The following GPSM1 variants were observed in gnomAD, a reference collection of about 807,000 sequenced individuals.
GPSM1 encodes G protein-signaling modulator 1.
In GPSM1, 48 loss-of-function variants were observed where a neutral mutation model predicts 70.5. That is an observed-to-expected ratio of 0.68 (90% CI 0.54 to 0.87). GPSM1 has a LOEUF of 0.87. GPSM1 is among the 40% of genes least tolerant of loss of function. The pLI is 0.00. For synonymous variants in GPSM1, 416 were observed against 430.1 expected (o/e 0.97, Z 0.41); for missense variants, 981 against 972.6 (o/e 1.01, Z -0.11).
chr9:136,333,776 C>T (rs1456593245), intron 1 of GPSM1, among the ~76,000 whole-genome samples: 1 of 152,236 alleles, frequency 6.6e-6, no homozygotes, highest in East Asian at 1.9e-4. Context: ...CAGCGGCGAG[C>T]GCTTAGCTCT....
At chr9:136,356,312 T>A in intron 12 of GPSM1, 30 bp from the exon 13 acceptor site, 1 of 1,493,160 alleles carries the variant, frequency 6.7e-7, no homozygotes, top group Non-Finnish European at 9.0e-7. Flanking sequence ...CCGCACTGGG[T>A]CCCAGGTCTC....
chr9:136,352,323 C>T (rs1453179685), intron 11 of GPSM1, among the ~76,000 whole-genome samples: 1 of 151,884 alleles, frequency 6.6e-6, no homozygotes, highest in Non-Finnish European at 1.5e-5. Flanking sequence ...GATGCTGCGC[C>T]GTTGCTGTTG....
chr9:136,341,011 G>T lies in GPSM1; in HGVS notation c.1207+18G>T, dbSNP rs782393799. 6.9e-5 allele frequency: 108 copies of T among 1,562,368 alleles called. No homozygotes were observed. The highest frequency in any genetic ancestry group is 3.4e-4 in the Middle Eastern group (2 of 5,938). ...GGCCCAGGGTGAGTTCCAGGGTTGT[G>T]GGGGGGTCTTGCTCCCCACAGGCAC... On this transcript the variant is annotated intron_variant, in intron 9 of 13. Transcript: ENST00000440944. The surrounding 1 kb of genome is among the most constrained non-coding windows in gnomAD (Gnocchi z 6.7).
rs185561781 is a variant in GPSM1 at position 136,358,471 on chromosome 9, G to A, written c.*251G>A. ...CTGCCGCAGGCCGGACGGGGCCTTC[G>A]GCATGTCGGCCCCGACCTGGTGCTG... On this transcript the variant is annotated 3_prime_UTR_variant, in exon 14 of 14. Transcript: ENST00000440944. 322 of 554,392 alleles carry A rather than the reference G, an allele frequency of 5.8e-4. No individual in the cohort carries two copies. In the East Asian group the frequency reaches 8.4e-3, roughly 14 times the overall value. The allele number at this position is 554,392 out of a possible 1,614,324, so 34.3% of individuals were successfully genotyped here.
At position 136,355,821 on chromosome 9, in the gene GPSM1, C is replaced by T. The variant is rs782679582; in HGVS notation, c.1587C>T (p.Ala529=). 2.8e-5 allele frequency: 45 copies of T among 1,610,174 alleles called. No individual in the cohort carries two copies. The highest frequency in any genetic ancestry group is 2.2e-4 in the South Asian group (20 of 90,906). ...AGGCCGGGGCTGCCGAGGCCACGGC[C>T]GCCCCCACCCTGGAGGACAGGATCG... The part of the protein sequence containing the change: ...DGQAGAAEAT[A]APTLEDRIAQ... Residue 529 remains alanine (A), a synonymous_variant, in exon 12 of 14, where the codon GCC becomes GCT. Coordinates refer to ENST00000440944, the MANE Select transcript of GPSM1 (RefSeq NM_001145638.3).
In GPSM1 at chr9:136,333,116, C is replaced by T. The variant is rs986327370; in HGVS notation, c.69-1331C>T. ...TGCAAGCAGCCGAGGCTGAACCCTT[C>T]CCCCACTTCTCTGAAATCAGGTCCC... On this transcript the variant is annotated intron_variant, in intron 1 of 13. Coordinates refer to ENST00000440944, the MANE Select transcript of GPSM1 (RefSeq NM_001145638.3). Among the ~76,000 whole-genome samples, 7 of 152,336 alleles carry T rather than the reference C, an allele frequency of 4.6e-5. No individual in the cohort carries two copies. In the South Asian group the frequency reaches 6.2e-4, roughly 14 times the overall value.
At chr9:136,353,527 C>T (rs782361502) in intron 11 of GPSM1, among the ~76,000 whole-genome samples, 1 of 152,236 alleles carries the variant, frequency 6.6e-6, no homozygotes, top group Non-Finnish European at 1.5e-5. Flanking sequence ...CACTGAGCCA[C>T]GGTTTTGCAC....
chr9:136,345,167 CA>C (rs1832491534), intron 9 of GPSM1, among the ~76,000 whole-genome samples: 1 of 152,200 alleles, frequency 6.6e-6, no homozygotes. Context: ...CCGGCAGGCA[CA>C]GGGGGCACCA....
chr9:136,355,639 T>C, intron 11 of GPSM1, 51 bp from the exon 12 acceptor site: 1 of 1,570,702 alleles, frequency 6.4e-7, no homozygotes, highest in South Asian at 1.1e-5. Flanking sequence ...CGGTCTCGTC[T>C]GGGGGTCTGC....
intron 10 of GPSM1, among the ~76,000 whole-genome samples, chr9:136,349,269 G>C (rs1159332427): frequency 6.6e-6 from 1 of 152,266 alleles, no homozygotes; most frequent in Non-Finnish European, 1.5e-5. Context: ...TGGTTCCTCT[G>C]GTGTGGCCTG....
rs781915482 is a variant in GPSM1, at chr9:136,337,559, A to C, written c.697A>C (p.Lys233Gln). 2 of 1,556,552 alleles carry C rather than the reference A, an allele frequency of 1.3e-6. No individual in the cohort carries two copies. Among genetic ancestry groups the C allele is most frequent in the Non-Finnish European group, 1.7e-6 (2 of 1,150,110 alleles). Residue 233 changes from lysine (K) to glutamine (Q), a missense_variant, in exon 5 of 14, where the codon AAG becomes CAG. Lys to Gln is a moderately conservative substitution (Grantham distance 53). Transcript: ENST00000440944. ...GNFTEATTFH[K>Q]ERLAIAKEFG... is the part of the protein sequence containing the mutation. ...CTTCACAGAGGCCACGACCTTCCAC[A>C]AGGAGGTGAGCCGGGCAGGGTGACA...
At chr9:136,353,066 G>T (rs1832714776) in intron 11 of GPSM1, 3 of 984,578 alleles carry the variant, frequency 3.0e-6, no homozygotes, top group Admixed American at 6.1e-5. Flanking sequence ...GGGCGGTGGT[G>T]GCCCTGGGCA....
chr9:136,334,086 G>A (rs1489661681), intron 1 of GPSM1, among the ~76,000 whole-genome samples: 2 of 152,156 alleles, frequency 1.3e-5, no homozygotes, highest in Admixed American at 6.5e-5. Flanking sequence ...CCTGCAGCCC[G>A]TACCTCTGGG....
intron 1 of GPSM1, among the ~76,000 whole-genome samples, chr9:136,330,102 G>T (rs937021298): frequency 1.6e-4 from 25 of 152,248 alleles, no homozygotes; most frequent in African/African-American, 5.5e-4. Flanking sequence ...AAGAGGCCTG[G>T]CGGGGACAGG....
At chr9:136,354,707 G>A (rs1832765864) in intron 11 of GPSM1, 1 of 556,822 alleles carries the variant, frequency 1.8e-6, no homozygotes, top group Non-Finnish European at 2.3e-6. Context: ...GGGGCCACAG[G>A]AGACCACGCC....
In GPSM1 at chr9:136,343,717, G is replaced by T. The variant is rs1832449236; in HGVS notation, c.1207+2724G>T. On this transcript the variant is annotated intron_variant, in intron 9 of 13. Coordinates refer to ENST00000440944, the MANE Select transcript of GPSM1 (RefSeq NM_001145638.3). This position sits in a 1 kb window ranked among gnomAD's most constrained non-coding sequence, Gnocchi z 6.0. ...GGAACGGGCCCATCAGTAGTGCTGGGAACAGAGCTTGGCAGGGGTGAGAGG... is the reference window on the plus strand; with the variant it reads ...GGAACGGGCCCATCAGTAGTGCTGGTAACAGAGCTTGGCAGGGGTGAGAGG... 6.6e-6 allele frequency among the ~76,000 whole-genome samples: 1 copy of T among 152,224 alleles called. No homozygotes were observed. Among genetic ancestry groups the T allele is most frequent in the Non-Finnish European group, 1.5e-5 (1 of 68,036 alleles).
intron 1 of GPSM1, among the ~76,000 whole-genome samples, chr9:136,329,160 G>A (rs4074592): frequency 0.38 from 57,273 of 152,056 alleles, 11,018 homozygotes; most frequent in Middle Eastern, 0.56. Flanking sequence ...CAGTGCTCAG[G>A]GGGACCACTC....
At chr9:136,335,234 G>A (rs1171843972) in intron 2 of GPSM1, among the ~76,000 whole-genome samples, 1 of 151,974 alleles carries the variant, frequency 6.6e-6, no homozygotes, top group East Asian at 1.9e-4. Flanking sequence ...GTGAGGTGTG[G>A]TCCTGCCCTG....
At position 136,352,257 on chromosome 9, in the gene GPSM1, TGCTGCGCCGTTGCTGTTGGTG is replaced by T. The variant is rs1554772277; in HGVS notation, c.1455+2495_1455+2515del. Among the ~76,000 whole-genome samples, 52 of 100,702 alleles carry T rather than the reference TGCTGCGCCGTTGCTGTTGGTG, an allele frequency of 5.2e-4. 7 individuals carry two copies. Among genetic ancestry groups the T allele is most frequent in the African/African-American group, 1.9e-3 (49 of 25,326 alleles). The allele number at this position is 100,702 out of a possible 152,430, so 66.1% of individuals were successfully genotyped here. ...GCGCCGTTGCTGTTGGTGACACCGA[TGCTGCGCCGTTGCTGTTGGTG>T]ACACCGATGCTGCGCCGTTGCTGTT... On this transcript the variant is annotated intron_variant, in intron 11 of 13. Transcript: ENST00000440944.
Sources: allele counts gnomAD v4.1 joint callset (sites outside exome capture counted in the v4.1 genomes callset), GRCh38; gene constraint gnomAD v4.1.1; non-coding constraint Gnocchi (gnomAD v3.1); transcripts MANE v1.5; gene names NCBI Gene and HGNC (gene_info 2026-07-23, HGNC 2026-07-21).